The following DACH2 variants were observed in gnomAD, a reference collection of about 807,000 sequenced individuals.
DACH2 encodes the protein dachshund family transcription factor 2.
DACH2 carries 17 observed loss-of-function variants against 35.8 expected under a neutral mutation model. The observed-to-expected ratio is 0.48, with a 90% CI of 0.33 to 0.71. The LOEUF (loss-of-function observed/expected upper bound fraction) is 0.71, where lower values mean the gene tolerates loss of function less well. DACH2 is among the 30% of genes least tolerant of loss of function. The pLI is 0.02. For missense variants in DACH2, 469 were observed against 472.7 expected, an observed-to-expected ratio of 0.99 and a Z score of 0.07; for synonymous variants, 195 against 177.3, an observed-to-expected ratio of 1.10 and a Z score of -0.79.
At chrX:86,198,699 C>T (rs983762890) in intron 1 of DACH2, among the ~76,000 whole-genome samples, 3 of 111,320 alleles carry the variant, frequency 2.7e-5, no homozygotes, top group African/African-American at 9.8e-5. Context: ...AATACACTCT[C>T]TCAAGACTGA....
intron 1 of DACH2, among the ~76,000 whole-genome samples, chrX:86,174,621 A>G (rs1305212082): frequency 2.7e-5 from 3 of 111,877 alleles, no homozygotes; most frequent in Non-Finnish European, 3.8e-5. Context: ...TGGGATCAGT[A>G]TGCAAACTAT....
intron 2 of DACH2, among the ~76,000 whole-genome samples, chrX:86,391,891 A>G (rs1382404099): frequency 2.7e-5 from 3 of 111,648 alleles, no homozygotes; most frequent in South Asian, 3.7e-4. Flanking sequence ...ATCTTATTCT[A>G]GATCGTGGGT....
At chrX:86,819,931 T>A (rs2042492612) in intron 11 of DACH2, among the ~76,000 whole-genome samples, 1 of 111,844 alleles carries the variant, frequency 8.9e-6, no homozygotes, top group African/African-American at 3.2e-5. Context: ...CTATATTTCA[T>A]TGTTAGTGGC....
chrX:86,623,917 G>A (rs2040098463), intron 3 of DACH2, among the ~76,000 whole-genome samples: 1 of 101,622 alleles, frequency 9.8e-6, no homozygotes. Flanking sequence ...GCATGGTGGC[G>A]CGTGCCTGTA....
At chrX:86,766,862 A>C (rs1299049369) in intron 7 of DACH2, among the ~76,000 whole-genome samples, 1 of 110,907 alleles carries the variant, frequency 9.0e-6, no homozygotes, top group Admixed American at 9.6e-5. Flanking sequence ...TCTTTTTCCT[A>C]GTGGCATTCA....
intron 3 of DACH2, among the ~76,000 whole-genome samples, chrX:86,603,247 TA>T (rs1482313968): frequency 1.8e-5 from 2 of 111,163 alleles, no homozygotes; most frequent in African/African-American, 6.5e-5. Context: ...GACCTCACCC[TA>T]ATTACTTGAT....
At chrX:86,618,648 G>A (rs1334834713) in intron 3 of DACH2, among the ~76,000 whole-genome samples, 1 of 111,879 alleles carries the variant, frequency 8.9e-6, no homozygotes, top group African/African-American at 3.2e-5. Flanking sequence ...TCGTAATATT[G>A]TTTTAAATAA....
chrX:86,802,690 T>C (rs1052695555), intron 7 of DACH2, among the ~76,000 whole-genome samples: 2 of 111,034 alleles, frequency 1.8e-5, no homozygotes, highest in South Asian at 3.9e-4. Flanking sequence ...GCAACATGGC[T>C]GACTTGACAC....
At chrX:86,816,543 A>G (rs2042454273) in intron 11 of DACH2, among the ~76,000 whole-genome samples, 1 of 112,390 alleles carries the variant, frequency 8.9e-6, no homozygotes. Flanking sequence ...AAGGTATTCA[A>G]GACAACATTT....
intron 4 of DACH2, among the ~76,000 whole-genome samples, chrX:86,652,664 T>C (rs1051760357): frequency 1.2e-4 from 14 of 112,154 alleles, no homozygotes; most frequent in African/African-American, 4.2e-4. Flanking sequence ...TGGTATCTTA[T>C]TGTGGTTTTG....
At chrX:86,525,589 A>G (rs1452782250) in intron 3 of DACH2, among the ~76,000 whole-genome samples, 3 of 111,656 alleles carry the variant, frequency 2.7e-5, no homozygotes, top group Non-Finnish European at 3.8e-5. Context: ...ACTTTGATAT[A>G]TATGGCTAAT....
intron 2 of DACH2, among the ~76,000 whole-genome samples, chrX:86,441,562 T>G (rs1185345235): frequency 1.8e-5 from 2 of 108,531 alleles, no homozygotes; most frequent in African/African-American, 3.3e-5. Flanking sequence ...TGAACACAAG[T>G]TGATTCCATG....
At chrX:86,663,739 A>G (rs908852309) in intron 4 of DACH2, among the ~76,000 whole-genome samples, 10 of 112,022 alleles carry the variant, frequency 8.9e-5, no homozygotes, top group East Asian at 8.4e-4. Flanking sequence ...CACAAGGATC[A>G]TTCTCCATGT....
chrX:86,182,378 G>A (rs1337759689), intron 1 of DACH2, among the ~76,000 whole-genome samples: 2 of 111,850 alleles, frequency 1.8e-5, no homozygotes, highest in African/African-American at 6.5e-5. Context: ...TGTAAGGAAG[G>A]GGTCCAGTTT....
At chrX:86,230,222 C>T (rs1363375553) in intron 1 of DACH2, among the ~76,000 whole-genome samples, 4 of 110,710 alleles carry the variant, frequency 3.6e-5, no homozygotes, top group East Asian at 2.9e-4. Flanking sequence ...AAGATGATCA[C>T]GTGATTTTTG....
At chrX:86,294,680 G>GCTC (rs1461231779) in intron 1 of DACH2, among the ~76,000 whole-genome samples, 9 of 110,370 alleles carry the variant, frequency 8.2e-5, no homozygotes, top group Non-Finnish European at 7.6e-5. Flanking sequence ...GGAGTACTCT[G>GCTC]TGTGAGGTGT....
intron 7 of DACH2, among the ~76,000 whole-genome samples, chrX:86,764,033 A>C (rs2041908957): frequency 9.0e-6 from 1 of 111,566 alleles, no homozygotes; most frequent in African/African-American, 3.3e-5. Flanking sequence ...CCTAATAATA[A>C]TGTTCAGGTC....
intron 1 of DACH2, among the ~76,000 whole-genome samples, chrX:86,357,037 G>A (rs943865761): frequency 9.0e-6 from 1 of 111,174 alleles, no homozygotes; most frequent in East Asian, 2.8e-4. Context: ...GCTCCCACTT[G>A]TAAGTGAGAA....
At chrX:86,331,627 A>G (rs1443476865) in intron 1 of DACH2, among the ~76,000 whole-genome samples, 1 of 111,727 alleles carries the variant, frequency 9.0e-6, no homozygotes, top group Non-Finnish European at 1.9e-5. Flanking sequence ...TGTGCATATC[A>G]TATCAGGGAA....
Sources: allele counts gnomAD v4.1 joint callset (sites outside exome capture counted in the v4.1 genomes callset), GRCh38; gene constraint gnomAD v4.1.1; transcripts MANE v1.5; gene names NCBI Gene and HGNC (gene_info 2026-07-23, HGNC 2026-07-21).